The following ERCC4 variants were observed in gnomAD, a reference collection of about 807,000 sequenced individuals.
ERCC4 encodes DNA repair endonuclease XPF.
Under a neutral mutation model 76.9 loss-of-function variants are expected in ERCC4, and 65 were observed. The observed-to-expected ratio is 0.84, with a 90% CI of 0.69 to 1.04. The LOEUF (loss-of-function observed/expected upper bound fraction) is 1.04, where lower values mean the gene tolerates loss of function less well. ERCC4 is among the 50% of genes least tolerant of loss of function. ERCC4 has a pLI of 0.00. For synonymous variants in ERCC4, 463 were observed against 410.1 expected (o/e 1.13, Z -1.56); for missense variants, 1,214 against 1,128.2 (o/e 1.08, Z -1.09).
chr16:13,927,892 CTTTGCTTTTCATTTGTTTGTTGT>C (rs939763516), intron 3 of ERCC4, 113 bp from the exon 4 acceptor site: 1 of 682,434 alleles, frequency 1.5e-6, no homozygotes, highest in Admixed American at 2.3e-5. Flanking sequence ...AATGTTGTTG[CTTTGCTTTTCATTTGTTTGTTGT>C]TTTGCTTTTC....
chr16:13,926,139 CT>C (rs1467846888), intron 2 of ERCC4, among the ~76,000 whole-genome samples: 6 of 152,166 alleles, frequency 3.9e-5, no homozygotes, highest in Admixed American at 2.6e-4. Context: ...AATTCATGAC[CT>C]ACTTTGCTTT....
At chr16:13,941,663 A>G (rs188305189) in intron 9 of ERCC4, among the ~76,000 whole-genome samples, 62 of 152,340 alleles carry the variant, frequency 4.1e-4, no homozygotes, top group Non-Finnish European at 8.5e-4. Flanking sequence ...ACTGCTAAAT[A>G]TCATAATAAT....
In ERCC4 at chr16:13,935,161, G is replaced by C; in HGVS notation, c.1229G>C (p.Cys410Ser). 3 of 1,613,480 alleles carry C rather than the reference G, an allele frequency of 1.9e-6. No individual in the cohort carries two copies. Among genetic ancestry groups the C allele is most frequent in the Non-Finnish European group, 2.5e-6 (3 of 1,179,396 alleles). The change falls in exon 8 of 11, where the codon TGT (cysteine) becomes TCT (serine). Residue 410 changes from cysteine (C) to serine (S), a missense_variant. By Grantham distance (112) the Cys-to-Ser change is moderately radical. Coordinates refer to ENST00000311895, the MANE Select transcript of ERCC4 (RefSeq NM_005236.3). ...CTATTTTCAGGTCAAGTACTGATTT[G>C]TGCAAGTGATGACCGAACATGTTCC... is the stretch of plus-strand genomic sequence containing the variant. ...ALGGPGQVLI[C>S]ASDDRTCSQL...
At chr16:13,920,591 C>G (rs1164349085) in intron 1 of ERCC4, among the ~76,000 whole-genome samples, 1 of 150,364 alleles carries the variant, frequency 6.7e-6, no homozygotes, top group Non-Finnish European at 1.5e-5. Context: ...TAGGAGGATA[C>G]CGGTCGCTCA....
chr16:13,946,281 A>G (rs1289508759), intron 10 of ERCC4, among the ~76,000 whole-genome samples: 1 of 152,224 alleles, frequency 6.6e-6, no homozygotes, highest in Non-Finnish European at 1.5e-5. Context: ...TCATCATTAC[A>G]TGAACATCAC....
rs2032629744 is a variant in ERCC4, at chr16:13,951,523, C to G, written c.*3176C>G. 1 of 211,982 alleles carries G rather than the reference C, an allele frequency of 4.7e-6. No individual in the cohort carries two copies. Among genetic ancestry groups the G allele is most frequent in the African/African-American group, 2.3e-5 (1 of 44,130 alleles). The allele number at this position is 211,982 out of a possible 1,614,324, so 13.1% of individuals were successfully genotyped here. A position where few individuals can be genotyped will look rare whatever the true frequency, so the allele number is the denominator to read the frequency against. On this transcript the variant is annotated 3_prime_UTR_variant, in exon 11 of 11. Coordinates refer to ENST00000311895, the MANE Select transcript of ERCC4 (RefSeq NM_005236.3). ...TTATCCTTTTGGCAGTAAGCTATTA[C>G]TAATTCAGCCTGAAGCTCGGTAGAC... is the stretch of plus-strand genomic sequence containing the variant.
At chr16:13,932,870 C>A in intron 6 of ERCC4, 1 of 205,656 alleles carries the variant, frequency 4.9e-6, no homozygotes. Context: ...TATGGTGAAA[C>A]CCCGTCTCTA....
At position 13,948,074 on chromosome 16, in the gene ERCC4, G is replaced by A. The variant is rs1417783312; in HGVS notation, c.2478G>A (p.Ala826=). ...AAAGCAAGCCACAGCCTGATGCGGC[G>A]ACAGCACTGGCCATTACAGCAGATT... ...LKQSKPQPDA[A]TALAITADSE... The change falls in exon 11 of 11, where the codon GCG becomes GCA. Residue 826 remains alanine, a synonymous_variant. Coordinates refer to ENST00000311895, the MANE Select transcript of ERCC4 (RefSeq NM_005236.3). 1.2e-5 allele frequency: 19 copies of A among 1,613,978 alleles called. No individual in the cohort carries two copies. The highest frequency in any genetic ancestry group is 2.2e-5 in the East Asian group (1 of 44,882).
chr16:13,933,422 A>T (rs2071575195), intron 6 of ERCC4: 1 of 153,228 alleles, frequency 6.5e-6, no homozygotes, highest in African/African-American at 2.4e-5. Flanking sequence ...TCAAAACTTA[A>T]CTGAGGCCGG....
chr16:13,946,404 C>G (rs538702147), intron 10 of ERCC4, among the ~76,000 whole-genome samples: 1 of 152,200 alleles, frequency 6.6e-6, no homozygotes, highest in African/African-American at 2.4e-5. Context: ...GTACTGAATA[C>G]TCTAGGCAAC....
rs2141606819 is a variant in ERCC4 at position 13,935,190 on chromosome 16, C to T, written c.1258C>T (p.Leu420=). 2 of 1,614,062 alleles carry T rather than the reference C, an allele frequency of 1.2e-6. No individual in the cohort carries two copies. The highest frequency in any genetic ancestry group is 1.7e-6 in the Non-Finnish European group (2 of 1,179,978). The part of the protein sequence containing the change: ...CASDDRTCSQ[L]RDYITLGAEA... ...AAGTGATGACCGAACATGTTCCCAG[C>T]TGAGAGACTATATCACTCTTGGAGC... The change falls in exon 8 of 11, where the codon CTG becomes TTG. Residue 420 remains leucine (L), a synonymous_variant. Coordinates refer to ENST00000311895, the MANE Select transcript of ERCC4 (RefSeq NM_005236.3).
chr16:13,937,643 T>A lies in ERCC4; in HGVS notation c.1812-123T>A. On this transcript the variant is annotated intron_variant, in intron 8 of 10. Coordinates refer to ENST00000311895, the MANE Select transcript of ERCC4 (RefSeq NM_005236.3). Reference sequence around the variant, plus strand: ...GCTAGTGTGTGATAAATGAAACCTTTGATTCTTAGTCAAATATTTGTTATT... The same window carrying A: ...GCTAGTGTGTGATAAATGAAACCTTAGATTCTTAGTCAAATATTTGTTATT... 3 of 724,234 alleles carry A rather than the reference T, an allele frequency of 4.1e-6. No individual in the cohort carries two copies. The East Asian group carries it at 8.0e-5, about 19-fold the overall frequency. The allele number at this position is 724,234 out of a possible 1,614,324, so 44.9% of individuals were successfully genotyped here. A position where few individuals can be genotyped will look rare whatever the true frequency, so the allele number is the denominator to read the frequency against.
chr16:13,927,116 C>T (rs1430041378), intron 3 of ERCC4, among the ~76,000 whole-genome samples: 1 of 152,188 alleles, frequency 6.6e-6, no homozygotes, highest in Non-Finnish European at 1.5e-5. Context: ...ATTACCACTT[C>T]TGCTTTGAAA....
intron 9 of ERCC4, among the ~76,000 whole-genome samples, chr16:13,939,378 T>G (rs1300300447): frequency 1.3e-5 from 2 of 152,156 alleles, no homozygotes; most frequent in Non-Finnish European, 2.9e-5. Context: ...CATTAAATTA[T>G]TATAAATATT....
At position 13,920,202 on chromosome 16, in the gene ERCC4, G is replaced by T. The variant is rs374243778; in HGVS notation, c.37G>T (p.Ala13Ser). The change falls in exon 1 of 11, where the codon GCG (alanine) becomes TCG (serine). Residue 13 changes from alanine (A) to serine (S), a missense_variant. Transcript: ENST00000311895. ...GCAGCCGGCTCGACGGATTGCCATG[G>T]CGCCGCTGCTGGAGTACGAGCGACA... ...SGQPARRIAM[A>S]PLLEYERQLV... 5.0e-6 allele frequency: 8 copies of T among 1,607,210 alleles called. No individual in the cohort carries two copies. In the African/African-American group the frequency reaches 8.0e-5, roughly 16 times the overall value.
At chr16:13,930,585 C>T (rs1429103877) in intron 4 of ERCC4, 125 bp from the exon 5 acceptor site, 3 of 709,266 alleles carry the variant, frequency 4.2e-6, no homozygotes, top group Non-Finnish European at 7.3e-6. Context: ...ATATATATGA[C>T]ATAAAATTTA....
At chr16:13,931,856 C>A in intron 5 of ERCC4, 1 of 321,994 alleles carries the variant, frequency 3.1e-6, no homozygotes, top group Non-Finnish European at 5.7e-6. Context: ...CTTGCTTTTA[C>A]GCCATCACTG....
rs114254999 is a variant in ERCC4, at chr16:13,938,731, G to A, written c.1904+873G>A. 9.9e-3 allele frequency among the ~76,000 whole-genome samples: 1,505 copies of A among 152,332 alleles called. 29 individuals carry two copies. The highest frequency in any genetic ancestry group is 0.034 in the African/African-American group (1,405 of 41,566). On this transcript the variant is annotated intron_variant, in intron 9 of 10. Transcript: ENST00000311895. ...CAATGGAGGGCAGAAATTATTTTTA[G>A]CAGTAGTCAACCTGCGAGGACTGCC...
chr16:13,934,511 C>T (rs373156353), intron 7 of ERCC4: 29 of 522,142 alleles, frequency 5.6e-5, no homozygotes, highest in South Asian at 6.5e-5. Flanking sequence ...CATTTCTGTT[C>T]GTTTGATGTT....
Sources: allele counts gnomAD v4.1 joint callset (sites outside exome capture counted in the v4.1 genomes callset), GRCh38; gene constraint gnomAD v4.1.1; transcripts MANE v1.5; gene names NCBI Gene and HGNC (gene_info 2026-07-23, HGNC 2026-07-21).